CCDC178: variants seen among roughly 807,000 people sequenced by gnomAD.
CCDC178 encodes the protein coiled-coil domain-containing protein 178.
A neutral mutation model predicts 117.4 loss-of-function variants in CCDC178; 126 were observed. The observed-to-expected ratio is 1.07, with a 90% confidence interval of 0.93 to 1.24. The LOEUF (loss-of-function observed/expected upper bound fraction) is 1.24. Among genes scored for constraint, CCDC178 ranks in the 50% most tolerant of loss-of-function variants. CCDC178 has a pLI of 0.00. For synonymous variants in CCDC178, 283 were observed against 313.4 expected (o/e 0.90, Z 1.02); for missense variants, 1,030 against 986.9 (o/e 1.04, Z -0.59).
chr18:33,238,457 A>T (rs1036452209), intron 15 of CCDC178, among the ~76,000 whole-genome samples: 3 of 152,180 alleles, frequency 2.0e-5, no homozygotes, highest in Non-Finnish European at 4.4e-5. Flanking sequence ...AGATATTATT[A>T]AAAAAGAACC....
chr18:33,420,120 G>C (rs930089978), intron 2 of CCDC178, among the ~76,000 whole-genome samples: 3 of 152,076 alleles, frequency 2.0e-5, no homozygotes, highest in African/African-American at 7.2e-5. Flanking sequence ...GCCATAAAAA[G>C]AATGAGATCA....
At chr18:33,224,746 A>G in intron 17 of CCDC178, 29 bp downstream of exon 17, 1 of 1,372,012 alleles carries the variant, frequency 7.3e-7, no homozygotes, top group Non-Finnish European at 9.7e-7. Context: ...ATTTCTGCAC[A>G]TTAATTTTTG....
chr18:33,088,261 G>T (rs2057412027), intron 21 of CCDC178, among the ~76,000 whole-genome samples: 1 of 151,944 alleles, frequency 6.6e-6, no homozygotes, highest in Non-Finnish European at 1.5e-5. Context: ...TCAATATTTT[G>T]CTGGTTATTT....
At chr18:33,404,261 G>A (rs1250991398) in intron 3 of CCDC178, among the ~76,000 whole-genome samples, 1 of 151,996 alleles carries the variant, frequency 6.6e-6, no homozygotes, top group Non-Finnish European at 1.5e-5. Flanking sequence ...AATGCAAGAT[G>A]TTAATAATAT....
intron 12 of CCDC178, among the ~76,000 whole-genome samples, chr18:33,283,698 C>T (rs2060053548): frequency 6.6e-6 from 1 of 152,026 alleles, no homozygotes; most frequent in Non-Finnish European, 1.5e-5. Flanking sequence ...AACAAAACCA[C>T]AATGAAATAT....
intron 4 of CCDC178, among the ~76,000 whole-genome samples, chr18:33,396,918 T>C (rs1000491206): frequency 3.9e-5 from 6 of 152,126 alleles, no homozygotes; most frequent in African/African-American, 1.4e-4. Context: ...TCTTCTTAAG[T>C]ATGCATTATT....
intron 22 of CCDC178, among the ~76,000 whole-genome samples, chr18:32,962,461 A>G (rs2144662957): frequency 6.6e-6 from 1 of 152,042 alleles, no homozygotes; most frequent in South Asian, 2.1e-4. Context: ...AATTCTCTCC[A>G]CTTTCATGTA....
intron 12 of CCDC178, among the ~76,000 whole-genome samples, chr18:33,281,473 T>C (rs913211728): frequency 6.6e-6 from 1 of 152,172 alleles, no homozygotes; most frequent in Non-Finnish European, 1.5e-5. Context: ...AAACTTATTT[T>C]ATATTCAAGG....
chr18:33,262,187 A>C (rs2059758805), intron 14 of CCDC178, among the ~76,000 whole-genome samples: 1 of 152,242 alleles, frequency 6.6e-6, no homozygotes, highest in Admixed American at 6.5e-5. Flanking sequence ...TTTAAGAAAC[A>C]GATGAAGGAA....
rs143680478 is a variant in CCDC178 at position 33,070,386 on chromosome 18, G to C, written c.2388+22375C>G. On this transcript the variant is annotated intron_variant, in intron 21 of 22. Transcript: ENST00000383096. ...TTTCAGCCACATGAATGAAACCGGA[G>C]GTCATTATGTTAAATGAAATAAGCC... 1.7e-3 allele frequency among the ~76,000 whole-genome samples: 254 copies of C among 152,060 alleles called. 1 individual carries two copies. Among genetic ancestry groups the C allele is most frequent in the African/African-American group, 5.7e-3 (237 of 41,526 alleles).
chr18:33,241,429 CGTGTGTGTGTGTGTGTGTGT>C (rs60878431), intron 15 of CCDC178, among the ~76,000 whole-genome samples: 5 of 145,018 alleles, frequency 3.4e-5, no homozygotes, highest in South Asian at 4.4e-4. Context: ...ATTATATGAT[CGTGTGTGTGTGTGTGTGTGT>C]GTGTGTGTGT....
At chr18:33,233,162 C>T (rs1340345985) in intron 15 of CCDC178, among the ~76,000 whole-genome samples, 2 of 152,102 alleles carry the variant, frequency 1.3e-5, no homozygotes, top group Non-Finnish European at 2.9e-5. Context: ...ACCTGCATCT[C>T]TGTTGGCTTT....
chr18:33,010,697 C>T (rs1324721923), intron 21 of CCDC178, among the ~76,000 whole-genome samples: 1 of 152,106 alleles, frequency 6.6e-6, no homozygotes, highest in Non-Finnish European at 1.5e-5. Flanking sequence ...ACCAAAAGGA[C>T]CATAAATGTA....
At position 33,272,586 on chromosome 18, in the gene CCDC178, A is replaced by T. The variant is rs183703217; in HGVS notation, c.1177-5289T>A. Among the ~76,000 whole-genome samples, 895 of 151,732 alleles carry T rather than the reference A, an allele frequency of 5.9e-3. 5 individuals carry two copies. Among genetic ancestry groups the T allele is most frequent in the Admixed American group, 0.017 (257 of 15,198 alleles). ...CACTGTGATAGCATATCCTGACAAG[A>T]CATCACAAGAAATGAAAAGTACAGA... On this transcript the variant is annotated intron_variant, in intron 12 of 22. Coordinates refer to ENST00000383096, the MANE Select transcript of CCDC178 (RefSeq NM_001105528.4).
At chr18:33,127,572 A>G (rs542216960) in intron 20 of CCDC178, among the ~76,000 whole-genome samples, 1 of 152,142 alleles carries the variant, frequency 6.6e-6, no homozygotes, top group South Asian at 2.1e-4. Context: ...AGTAGCTGGG[A>G]TCACAGGTAC....
chr18:33,349,566 T>G (rs2062943660), intron 7 of CCDC178, among the ~76,000 whole-genome samples: 1 of 151,904 alleles, frequency 6.6e-6, no homozygotes, highest in Admixed American at 6.6e-5. Context: ...ATTCTGTATG[T>G]TGAATAATAA....
chr18:33,366,914 C>T (rs1417080982), intron 6 of CCDC178, among the ~76,000 whole-genome samples: 2 of 151,992 alleles, frequency 1.3e-5, no homozygotes, highest in Non-Finnish European at 2.9e-5. Context: ...AAAAATGTTC[C>T]ACTTCCTCTC....
intron 20 of CCDC178, among the ~76,000 whole-genome samples, chr18:33,203,532 T>C (rs930888906): frequency 7.4e-4 from 113 of 152,266 alleles, no homozygotes; most frequent in African/African-American, 2.4e-3. Context: ...ATCTTATTAT[T>C]ATTACTGTTA....
At chr18:32,949,108 C>CT (rs2054418329) in intron 22 of CCDC178, among the ~76,000 whole-genome samples, 1 of 152,108 alleles carries the variant, frequency 6.6e-6, no homozygotes, top group Non-Finnish European at 1.5e-5. Flanking sequence ...GAGAAATCTG[C>CT]TGTTAACCTT....
Sources: allele counts gnomAD v4.1 joint callset (sites outside exome capture counted in the v4.1 genomes callset), GRCh38; gene constraint gnomAD v4.1.1; transcripts MANE v1.5; gene names NCBI Gene and HGNC (gene_info 2026-07-23, HGNC 2026-07-21).